The following SATL1 variants were observed in gnomAD, a reference collection of about 807,000 sequenced individuals.
The protein encoded by SATL1 is spermidine/spermine N(1)-acetyltransferase-like protein 1.
SATL1 carries 47 observed loss-of-function variants against 51.8 expected under a neutral mutation model. The observed-to-expected ratio is 0.91, with a 90% CI of 0.72 to 1.16. The LOEUF (loss-of-function observed/expected upper bound fraction) is 1.16. SATL1 is among the 50% of genes most tolerant of loss of function. The pLI, the probability that SATL1 is intolerant of heterozygous loss-of-function variation, is 0.00. For synonymous variants in SATL1, 176 were observed against 182.4 expected, an observed-to-expected ratio of 0.97 and a Z score of 0.28; for missense variants, 520 against 526.4, an observed-to-expected ratio of 0.99 and a Z score of 0.12.
rs367818149 is a variant in SATL1 at position 85,173,333 on chromosome X, T to C, written c.-313+50872A>G. ...AAACAAGACTCCATCAAGTAAAAAATAGGAAAATATGAAACTGTAGATATT... is the reference window on the plus strand; with the variant it reads ...AAACAAGACTCCATCAAGTAAAAAACAGGAAAATATGAAACTGTAGATATT... On this transcript the variant is annotated intron_variant, in intron 2 of 7. Transcript: ENST00000644105. 2.5e-4 allele frequency among the ~76,000 whole-genome samples: 28 copies of C among 111,297 alleles called. 1 individual carries two copies. The South Asian group carries it at 0.01, about 41-fold the overall frequency.
At chrX:85,128,642 T>C (rs762685329) in intron 2 of SATL1, among the ~76,000 whole-genome samples, 2 of 112,322 alleles carry the variant, frequency 1.8e-5, no homozygotes, top group African/African-American at 6.5e-5. Context: ...GCAGAAGCTC[T>C]TTAGTTTCAT....
At chrX:85,148,475 A>T (rs1299801857) in intron 2 of SATL1, among the ~76,000 whole-genome samples, 1 of 110,429 alleles carries the variant, frequency 9.1e-6, no homozygotes, top group East Asian at 2.8e-4. Context: ...TGCCACAAAG[A>T]TATTCCTCGA....
intron 2 of SATL1, among the ~76,000 whole-genome samples, chrX:85,147,517 C>G (rs4582700): frequency 0.44 from 41,497 of 93,413 alleles, 6,582 homozygotes; most frequent in East Asian, 0.61. Flanking sequence ...CAGACTGCCT[C>G]CTCAAGTGGG....
At chrX:85,135,918 A>C in intron 2 of SATL1, among the ~76,000 whole-genome samples, 1 of 109,799 alleles carries the variant, frequency 9.1e-6, no homozygotes, top group Non-Finnish European at 1.9e-5. Context: ...AAGAGCCAAA[A>C]CCGGTTAGGA....
At chrX:85,188,052 T>C (rs1927352029) in intron 2 of SATL1, among the ~76,000 whole-genome samples, 1 of 111,618 alleles carries the variant, frequency 9.0e-6, no homozygotes, top group South Asian at 3.8e-4. Context: ...TTACTATGAT[T>C]CTGTGAAATT....
intron 2 of SATL1, 31 bp from the exon 3 acceptor site, chrX:85,109,311 GA>G: frequency 3.4e-6 from 1 of 290,925 alleles, no homozygotes; most frequent in Non-Finnish European, 6.1e-6. Flanking sequence ...AAGGGAAGAC[GA>G]AAATGATCCT....
At chrX:85,221,239 T>C (rs918735993) in intron 2 of SATL1, among the ~76,000 whole-genome samples, 7 of 111,913 alleles carry the variant, frequency 6.3e-5, no homozygotes, top group African/African-American at 1.9e-4. Context: ...TATCTACATC[T>C]ATATCATGTA....
chrX:85,218,749 C>A (rs761490634), intron 2 of SATL1, among the ~76,000 whole-genome samples: 1 of 111,553 alleles, frequency 9.0e-6, no homozygotes, highest in Non-Finnish European at 1.9e-5. Flanking sequence ...GAAATACTTG[C>A]TTTTCTTATG....
At chrX:85,208,742 G>A (rs1203629629) in intron 2 of SATL1, 1 of 111,384 alleles carries the variant, frequency 9.0e-6, no homozygotes, top group African/African-American at 3.3e-5. Flanking sequence ...ACTTTTTGAC[G>A]GGGTTGTTTT....
At position 85,234,570 on chromosome X, in the gene SATL1, G is replaced by A. The variant is rs182166915; in HGVS notation, c.-435+9018C>T. The stretch of plus-strand genomic sequence containing the variant: ...TAAAATGGGGACACAAAGCTAAAGT[G>A]TAGTTTTCATTAGTTTTCTTTTTTG... On this transcript the variant is annotated intron_variant, in intron 1 of 7. Coordinates refer to ENST00000644105, the MANE Select transcript of SATL1 (RefSeq NM_001367857.2). 4.5e-5 allele frequency among the ~76,000 whole-genome samples: 5 copies of A among 111,940 alleles called. No homozygotes were observed. The East Asian group carries it at 1.4e-3, about 31-fold the overall frequency.
chrX:85,152,876 G>C (rs1046331983), intron 2 of SATL1, among the ~76,000 whole-genome samples: 2 of 110,426 alleles, frequency 1.8e-5, no homozygotes, highest in African/African-American at 6.6e-5. Context: ...TAAATGATGA[G>C]TTAATGGGTG....
At chrX:85,133,300 C>T (rs60581752) in intron 2 of SATL1, among the ~76,000 whole-genome samples, 16,279 of 111,400 alleles carry the variant, frequency 0.15, 1,272 homozygotes, top group African/African-American at 0.29. Context: ...CGTTGAGCTG[C>T]GGTGGGCTCC....
chrX:85,093,338 A>G (rs1166514072), intron 6 of SATL1, 113 bp from the exon 7 acceptor site: 16 of 731,586 alleles, frequency 2.2e-5, no homozygotes, highest in Non-Finnish European at 3.1e-5. Context: ...GTATATTATT[A>G]ATAGCTTCTG....
chrX:85,211,332 T>C (rs1405972712), intron 2 of SATL1: 3 of 56,993 alleles, frequency 5.3e-5, no homozygotes, highest in Non-Finnish European at 1.1e-4. Context: ...CAATATTATA[T>C]GCCTAATGTC....
intron 2 of SATL1, chrX:85,210,882 A>G (rs1019425104): frequency 1.7e-4 from 19 of 111,674 alleles, no homozygotes; most frequent in African/African-American, 5.2e-4. Context: ...ACAAAAAAAG[A>G]GTATCTAAAC....
intron 2 of SATL1, among the ~76,000 whole-genome samples, chrX:85,143,837 A>T (rs1450845513): frequency 8.9e-6 from 1 of 111,734 alleles, no homozygotes; most frequent in African/African-American, 3.2e-5. Context: ...CTTATATTTA[A>T]CACTGTTTCT....
chrX:85,185,707 T>C (rs972623486), intron 2 of SATL1, among the ~76,000 whole-genome samples: 19 of 110,835 alleles, frequency 1.7e-4, no homozygotes, highest in African/African-American at 6.3e-4. Flanking sequence ...CAAGCCTGAG[T>C]CTTTCCCTTT....
intron 2 of SATL1, among the ~76,000 whole-genome samples, chrX:85,122,746 A>C (rs1384735496): frequency 9.0e-6 from 1 of 111,688 alleles, no homozygotes; most frequent in Non-Finnish European, 1.9e-5. Flanking sequence ...TGTACAAACT[A>C]TTTTGTCACC....
rs1444883555 is a variant in SATL1, at chrX:85,108,333, G to A, written c.636C>T (p.Asp212=). The A allele has an allele frequency of 1.1e-5, 13 of 1,209,708 alleles. No homozygotes were observed. The East Asian group carries it at 1.2e-4, about 11-fold the overall frequency. Residue 212 remains aspartate, a synonymous_variant, in exon 3 of 8, where the codon GAC becomes GAT. Transcript: ENST00000644105. ...GCTGGCTCATGCCTGGTTGACTCATGTCTGGGTGGCTTGGGACTTGCTGGC... is the reference window on the plus strand; with the variant it reads ...GCTGGCTCATGCCTGGTTGACTCATATCTGGGTGGCTTGGGACTTGCTGGC... ...GISQQVPSHP[D]MSQPGMSQQV...
Sources: allele counts gnomAD v4.1 joint callset (sites outside exome capture counted in the v4.1 genomes callset), GRCh38; gene constraint gnomAD v4.1.1; transcripts MANE v1.5; gene names NCBI Gene and HGNC (gene_info 2026-07-23, HGNC 2026-07-21).